Variants in PPP1R13B observed in about 807,000 individuals in gnomAD.
The protein encoded by PPP1R13B is apoptosis-stimulating of p53 protein 1.
A neutral mutation model predicts 119.8 loss-of-function variants in PPP1R13B; 44 were observed. The observed-to-expected ratio is 0.37, with a 90% CI of 0.29 to 0.47. The LOEUF (loss-of-function observed/expected upper bound fraction) is 0.47, where lower values mean the gene tolerates loss of function less well. Among genes scored for constraint, PPP1R13B ranks in the 20% least tolerant of loss-of-function variants. The pLI, the probability that PPP1R13B is intolerant of heterozygous loss-of-function variation, is 0.99. For missense variants in PPP1R13B, 1,227 were observed against 1,413.5 expected, an observed-to-expected ratio of 0.87 and a Z score of 2.12; for synonymous variants, 542 against 561.5, an observed-to-expected ratio of 0.97 and a Z score of 0.49.
chr14:103,807,295 C>T (rs2086039192), intron 1 of PPP1R13B, among the ~76,000 whole-genome samples: 1 of 152,172 alleles, frequency 6.6e-6, no homozygotes, highest in Admixed American at 6.5e-5. Context: ...CTCTGTCCTC[C>T]TACCCTGGTT....
At chr14:103,832,841 G>C (rs902731905) in intron 1 of PPP1R13B, among the ~76,000 whole-genome samples, 1 of 152,150 alleles carries the variant, frequency 6.6e-6, no homozygotes, top group Non-Finnish European at 1.5e-5. Flanking sequence ...AATTAGCTGG[G>C]TGTGGTGATG....
At chr14:103,813,232 TAA>T (rs11362801) in intron 1 of PPP1R13B, among the ~76,000 whole-genome samples, 1 of 147,248 alleles carries the variant, frequency 6.8e-6, no homozygotes, top group African/African-American at 2.5e-5. Context: ...TCAGCAATGT[TAA>T]AAAAAAAAAG....
intron 1 of PPP1R13B, among the ~76,000 whole-genome samples, chr14:103,799,471 C>A (rs1328964764): frequency 1.3e-5 from 2 of 152,098 alleles, no homozygotes; most frequent in African/African-American, 2.4e-5. Context: ...AGCCATTGCG[C>A]CCAGCCTTAT....
At chr14:103,763,457 CTA>C (rs1194206773) in intron 4 of PPP1R13B, among the ~76,000 whole-genome samples, 3 of 151,718 alleles carry the variant, frequency 2.0e-5, no homozygotes, top group East Asian at 1.9e-4. Context: ...TTTAATTATC[CTA>C]TGTCTTTTAT....
At chr14:103,748,975 G>A (rs1567092083) in intron 8 of PPP1R13B, among the ~76,000 whole-genome samples, 1 of 152,110 alleles carries the variant, frequency 6.6e-6, no homozygotes. Context: ...TCTTTATTAG[G>A]GAAAAGACTG....
intron 1 of PPP1R13B, among the ~76,000 whole-genome samples, chr14:103,808,279 G>A (rs1459915448): frequency 6.6e-6 from 1 of 151,628 alleles, no homozygotes; most frequent in Non-Finnish European, 1.5e-5. Flanking sequence ...CAGGAGCCTT[G>A]AACATAACTA....
At position 103,745,596 on chromosome 14, in the gene PPP1R13B, A is replaced by G. The variant is rs574500244; in HGVS notation, c.1150+777T>C. Among the ~76,000 whole-genome samples, 177 of 152,156 alleles carry G rather than the reference A, an allele frequency of 1.2e-3. 5 individuals carry two copies. In the South Asian group the frequency reaches 0.03, roughly 25 times the overall value. ...ACCCATGGACTACACTAGAGGTCCA[A>G]GTCCATCACACAGCACCATTGTGAG... On this transcript the variant is annotated intron_variant, in intron 9 of 16. Transcript: ENST00000202556.
chr14:103,741,851 G>A lies in PPP1R13B; in HGVS notation c.1761C>T (p.Ala587=), dbSNP rs772993979. 1 of 1,614,220 alleles carries A rather than the reference G, an allele frequency of 6.2e-7. No individual in the cohort carries two copies. Among genetic ancestry groups the A allele is most frequent in the South Asian group, 1.1e-5 (1 of 91,086 alleles). The change falls in exon 11 of 17, where the codon GCC becomes GCT. Residue 587 remains alanine (A), a synonymous_variant. Coordinates refer to ENST00000202556, the MANE Select transcript of PPP1R13B (RefSeq NM_015316.3). ...SSIYSMYLQQ[A]TPPKNYQPAA... ...CCGGCTGGTAATTCTTAGGTGGTGT[G>A]GCTTGCTGGAGGTACATGGAGTATA...
chr14:103,759,612 A>G (rs2084757890), intron 4 of PPP1R13B, among the ~76,000 whole-genome samples: 2 of 151,918 alleles, frequency 1.3e-5, no homozygotes, highest in South Asian at 4.1e-4. Context: ...AGACTTAAAC[A>G]CTTTTTGACT....
At chr14:103,748,214 C>G (rs1378799959) in intron 8 of PPP1R13B, among the ~76,000 whole-genome samples, 1 of 152,248 alleles carries the variant, frequency 6.6e-6, no homozygotes, top group African/African-American at 2.4e-5. Context: ...CTTGCAGCCT[C>G]TCTCTCACAT....
At chr14:103,816,956 T>G (rs2086296107) in intron 1 of PPP1R13B, among the ~76,000 whole-genome samples, 1 of 152,336 alleles carries the variant, frequency 6.6e-6, no homozygotes, top group African/African-American at 2.4e-5. Flanking sequence ...TTTTTACAAA[T>G]GACTCTATCC....
chr14:103,802,185 A>G (rs549205083), intron 1 of PPP1R13B, among the ~76,000 whole-genome samples: 1 of 152,286 alleles, frequency 6.6e-6, no homozygotes, highest in Admixed American at 6.5e-5. Flanking sequence ...CTATGCTCTT[A>G]AAGATCTAGT....
At chr14:103,836,418 T>C (rs1054898044) in intron 1 of PPP1R13B, among the ~76,000 whole-genome samples, 1 of 152,134 alleles carries the variant, frequency 6.6e-6, no homozygotes, top group Non-Finnish European at 1.5e-5. Flanking sequence ...TCATGAAATA[T>C]AGTGTTATTA....
At chr14:103,753,968 TA>T (rs2084612820) in intron 6 of PPP1R13B, 101 bp downstream of exon 6, 2 of 1,379,584 alleles carry the variant, frequency 1.4e-6, no homozygotes, top group Admixed American at 2.1e-5. Context: ...GCTTGCTATT[TA>T]GTCCTGTGAA....
At chr14:103,748,560 G>A (rs1463872979) in intron 8 of PPP1R13B, among the ~76,000 whole-genome samples, 3 of 152,224 alleles carry the variant, frequency 2.0e-5, no homozygotes, top group African/African-American at 7.2e-5. Flanking sequence ...TGGGTCAGGA[G>A]AGTGGGTGCT....
chr14:103,833,470 G>A lies in PPP1R13B; in HGVS notation c.9+13829C>T, dbSNP rs142199881. Among the ~76,000 whole-genome samples the A allele has an allele frequency of 6.7e-3, 1,025 of 151,896 alleles. 12 individuals carry two copies. The highest frequency in any genetic ancestry group is 0.022 in the East Asian group (111 of 5,146). The stretch of plus-strand genomic sequence containing the variant: ...ACCAGCCTGGCCAACATGGTGAAAC[G>A]CTGTTTCTACTAAAATACAAAAATT... On this transcript the variant is annotated intron_variant, in intron 1 of 16. Coordinates refer to ENST00000202556, the MANE Select transcript of PPP1R13B (RefSeq NM_015316.3).
chr14:103,821,445 A>C (rs2086405246), intron 1 of PPP1R13B, among the ~76,000 whole-genome samples: 1 of 152,220 alleles, frequency 6.6e-6, no homozygotes, highest in Non-Finnish European at 1.5e-5. Flanking sequence ...GAACATATCA[A>C]GTGTGAATTA....
chr14:103,796,057 C>A (rs567988388), intron 2 of PPP1R13B, among the ~76,000 whole-genome samples: 1 of 152,122 alleles, frequency 6.6e-6, no homozygotes, highest in South Asian at 2.1e-4. Flanking sequence ...TTTGGGAGGC[C>A]CAGGCAGGTG....
At chr14:103,810,110 C>T (rs1046219683) in intron 1 of PPP1R13B, among the ~76,000 whole-genome samples, 1 of 151,802 alleles carries the variant, frequency 6.6e-6, no homozygotes, top group Admixed American at 6.6e-5. Context: ...AAGTGTGAGC[C>T]ACCGCGCCCA....
Sources: allele counts gnomAD v4.1 joint callset (sites outside exome capture counted in the v4.1 genomes callset), GRCh38; gene constraint gnomAD v4.1.1; transcripts MANE v1.5; gene names NCBI Gene and HGNC (gene_info 2026-07-23, HGNC 2026-07-21).